EYA4: variants seen among roughly 807,000 people sequenced by gnomAD.
EYA4 encodes the protein protein phosphatase EYA4.
EYA4 carries 31 observed loss-of-function variants against 87.9 expected under a neutral mutation model. That is an observed-to-expected ratio of 0.35 (90% CI 0.27 to 0.48). EYA4 has a LOEUF of 0.48. EYA4 is among the 20% of genes least tolerant of loss of function. The pLI is 0.99. For missense variants in EYA4, 678 were observed against 761.4 expected (o/e 0.89, Z 1.29); for synonymous variants, 263 against 270.6 (o/e 0.97, Z 0.28).
At chr6:133,441,143 C>G (rs1202249966) in intron 3 of EYA4, among the ~76,000 whole-genome samples, 1 of 152,024 alleles carries the variant, frequency 6.6e-6, no homozygotes, top group East Asian at 1.9e-4. Context: ...ACACAGGTTA[C>G]TTATACTCAA....
intron 2 of EYA4, among the ~76,000 whole-genome samples, chr6:133,379,779 T>G (rs1583113667): frequency 6.6e-6 from 1 of 152,156 alleles, no homozygotes; most frequent in African/African-American, 2.4e-5. Context: ...ATGCCATCTC[T>G]GCCTTCATGG....
At chr6:133,250,575 G>GAGGTTGCA (rs1774813140) in intron 1 of EYA4, among the ~76,000 whole-genome samples, 1 of 152,130 alleles carries the variant, frequency 6.6e-6, no homozygotes, top group African/African-American at 2.4e-5. Context: ...CCAGAAGGCA[G>GAGGTTGCA]AGGTTGCAGT....
intron 1 of EYA4, among the ~76,000 whole-genome samples, chr6:133,259,634 A>G (rs1775629770): frequency 6.6e-6 from 1 of 152,236 alleles, no homozygotes; most frequent in African/African-American, 2.4e-5. Context: ...TAAGGAAAGC[A>G]AACAGCATCT....
intron 9 of EYA4, among the ~76,000 whole-genome samples, chr6:133,463,798 G>A (rs1208064414): frequency 6.6e-6 from 1 of 152,012 alleles, no homozygotes; most frequent in Non-Finnish European, 1.5e-5. Flanking sequence ...TGAACCAACT[G>A]GTATGACATT....
intron 7 of EYA4, among the ~76,000 whole-genome samples, chr6:133,461,445 C>T (rs935114314): frequency 6.6e-6 from 1 of 152,202 alleles, no homozygotes; most frequent in East Asian, 1.9e-4. Flanking sequence ...AAAGAGATTA[C>T]ATTTTATCTA....
intron 9 of EYA4, 69 bp downstream of exon 9, chr6:133,462,833 C>A: frequency 7.3e-7 from 1 of 1,372,342 alleles, no homozygotes; most frequent in African/African-American, 1.4e-5. Context: ...TGGCTTCAGA[C>A]TAGGAATATC....
chr6:133,320,653 C>T (rs6926046), intron 2 of EYA4, among the ~76,000 whole-genome samples: 16,142 of 152,098 alleles, frequency 0.11, 946 homozygotes, highest in South Asian at 0.14. Flanking sequence ...ACCTAATAGG[C>T]AATTTTTCAA....
chr6:133,496,953 A>G (rs962966368), intron 13 of EYA4, among the ~76,000 whole-genome samples: 19 of 152,170 alleles, frequency 1.2e-4, no homozygotes, highest in African/African-American at 4.1e-4. Flanking sequence ...AGAGATGTCA[A>G]TCATATCCTG....
intron 3 of EYA4, among the ~76,000 whole-genome samples, chr6:133,438,349 G>T (rs12665690): frequency 0.15 from 21,893 of 149,450 alleles, 2,529 homozygotes; most frequent in East Asian, 0.31. Flanking sequence ...TCTCTGCTCC[G>T]TTCTATGGTG....
intron 13 of EYA4, among the ~76,000 whole-genome samples, chr6:133,495,417 TATTC>T (rs1267450214): frequency 1.3e-5 from 2 of 148,400 alleles, no homozygotes; most frequent in African/African-American, 4.9e-5. Context: ...TAAAGAAATA[TATTC>T]ATTTATTTAT....
intron 2 of EYA4, among the ~76,000 whole-genome samples, chr6:133,318,585 A>G (rs1224115334): frequency 6.8e-6 from 1 of 147,204 alleles, no homozygotes; most frequent in Non-Finnish European, 1.5e-5. Context: ...GCTACCCAGA[A>G]CCCTCTTGGT....
At chr6:133,297,182 G>A (rs1027869230) in intron 2 of EYA4, among the ~76,000 whole-genome samples, 1 of 152,084 alleles carries the variant, frequency 6.6e-6, no homozygotes, top group African/African-American at 2.4e-5. Flanking sequence ...TCTTTAGATA[G>A]CATTTGTGTT....
chr6:133,486,871 A>T (rs949182288), intron 13 of EYA4, among the ~76,000 whole-genome samples: 2 of 152,246 alleles, frequency 1.3e-5, no homozygotes, highest in Non-Finnish European at 2.9e-5. Context: ...CCCTGCAGCA[A>T]CACCAAATTG....
At chr6:133,487,044 A>G (rs1796744626) in intron 13 of EYA4, among the ~76,000 whole-genome samples, 1 of 152,206 alleles carries the variant, frequency 6.6e-6, no homozygotes, top group South Asian at 2.1e-4. Flanking sequence ...GTCTTCCAGC[A>G]GCAGCTGAAT....
chr6:133,500,958 G>A (rs1277598228), intron 13 of EYA4, among the ~76,000 whole-genome samples: 1 of 152,062 alleles, frequency 6.6e-6, no homozygotes, highest in Non-Finnish European at 1.5e-5. Flanking sequence ...TATCTTGCTG[G>A]GGCCTCTCAC....
intron 18 of EYA4, 60 bp from the exon 19 acceptor site, chr6:133,525,094 T>A (rs772461281): frequency 1.2e-6 from 2 of 1,613,664 alleles, no homozygotes; most frequent in Non-Finnish European, 1.7e-6. Context: ...ATGGCCGAGA[T>A]GAGGAGCATG....
At chr6:133,503,492 A>G (rs1250027910) in intron 13 of EYA4, among the ~76,000 whole-genome samples, 1 of 152,258 alleles carries the variant, frequency 6.6e-6, no homozygotes, top group Non-Finnish European at 1.5e-5. Flanking sequence ...AGTAATCATC[A>G]GAAACATAAC....
At chr6:133,353,891 C>T (rs1783819930) in intron 2 of EYA4, among the ~76,000 whole-genome samples, 2 of 152,248 alleles carry the variant, frequency 1.3e-5, no homozygotes, top group Middle Eastern at 3.4e-3. Flanking sequence ...CTACTGTTTT[C>T]GTCAGTGAAA....
At chr6:133,449,962 T>G (rs982817095) in intron 5 of EYA4, among the ~76,000 whole-genome samples, 3 of 152,156 alleles carry the variant, frequency 2.0e-5, no homozygotes, top group African/African-American at 7.2e-5. Flanking sequence ...GGTAGCATAT[T>G]ATATGAAACT....
Sources: gnomAD v4.1 joint callset for allele counts (sites outside exome capture counted in the v4.1 genomes callset) on GRCh38, gnomAD v4.1.1 for gene constraint, MANE v1.5 for transcripts, NCBI Gene and HGNC (gene_info 2026-07-23, HGNC 2026-07-21) for gene names.